MRPS6: variants seen among roughly 807,000 people sequenced by gnomAD.
MRPS6 encodes small ribosomal subunit protein bS6m.
In MRPS6, 6 loss-of-function variants were observed where a neutral mutation model predicts 13.1. The ratio of observed to expected loss-of-function variants is 0.46; its 90% CI spans 0.25 to 0.91. The LOEUF (loss-of-function observed/expected upper bound fraction) is 0.91. Ranked by LOEUF, MRPS6 falls within the 40% of genes least tolerant of loss-of-function variation. The pLI, the probability that MRPS6 is intolerant of heterozygous loss-of-function variation, is 0.18. For missense variants in MRPS6, 164 were observed against 155.6 expected (o/e 1.05, Z -0.29); for synonymous variants, 61 against 56.5 (o/e 1.08, Z -0.36).
intron 2 of MRPS6, among the ~76,000 whole-genome samples, chr21:34,139,081 C>G (rs924837040): frequency 3.3e-5 from 5 of 150,060 alleles, no homozygotes; most frequent in African/African-American, 1.2e-4. Flanking sequence ...TAAACTGTTG[C>G]AAGGACAAAA....
At chr21:34,133,143 G>A (rs1980564113) in intron 2 of MRPS6, among the ~76,000 whole-genome samples, 1 of 152,184 alleles carries the variant, frequency 6.6e-6, no homozygotes, top group South Asian at 2.1e-4. Context: ...AAAGTTGTCT[G>A]AAAGCTGTGA....
At chr21:34,133,814 A>G (rs770531973) in intron 2 of MRPS6, among the ~76,000 whole-genome samples, 1 of 152,224 alleles carries the variant, frequency 6.6e-6, no homozygotes, top group Non-Finnish European at 1.5e-5. Context: ...AAGAGGCGGG[A>G]GCTCAGAGAA....
At chr21:34,079,203 C>A (rs973408408) in intron 1 of MRPS6, among the ~76,000 whole-genome samples, 2 of 152,124 alleles carry the variant, frequency 1.3e-5, no homozygotes, top group Non-Finnish European at 2.9e-5. Context: ...AAAAAAACAG[C>A]AATACTTTAT....
At chr21:34,103,947 C>G in intron 1 of MRPS6, 8 of 1,000,128 alleles carry the variant, frequency 8.0e-6, no homozygotes, top group Non-Finnish European at 9.6e-6. Flanking sequence ...TGACATATTT[C>G]TGTTTTAAGC....
chr21:34,138,906 T>C (rs1980802323), intron 2 of MRPS6, among the ~76,000 whole-genome samples: 1 of 151,990 alleles, frequency 6.6e-6, no homozygotes, highest in Non-Finnish European at 1.5e-5. Flanking sequence ...ATTGCGGCAC[T>C]ATTCACAATA....
chr21:34,079,600 T>C (rs1215400752), intron 1 of MRPS6, among the ~76,000 whole-genome samples: 2 of 115,346 alleles, frequency 1.7e-5, no homozygotes, highest in Non-Finnish European at 3.4e-5. Context: ...CAGACCCAGC[T>C]AATTTTTTTT....
chr21:34,142,581 C>T lies in MRPS6; in HGVS notation c.359C>T (p.Thr120Ile), dbSNP rs1452768220. Reference sequence around the variant, plus strand: ...CCACTCGCAGAAAAATTATATTCCACAAAGAAGAGGAAGAAGTGAGAAGAT... The same window carrying T: ...CCACTCGCAGAAAAATTATATTCCATAAAGAAGAGGAAGAAGTGAGAAGAT... ...PVPLAEKLYS[T>I]KKRKK Residue 120 changes from threonine (T) to isoleucine (I), a missense_variant, in exon 3 of 3, where the codon ACA becomes ATA. Coordinates refer to ENST00000399312, the MANE Select transcript of MRPS6 (RefSeq NM_032476.4). The T allele has an allele frequency of 2.5e-6, 4 of 1,603,622 alleles. No homozygotes were observed. The highest frequency in any genetic ancestry group is 3.4e-6 in the Non-Finnish European group (4 of 1,176,792).
chr21:34,115,889 C>T (rs778539689), intron 1 of MRPS6, among the ~76,000 whole-genome samples: 19 of 149,956 alleles, frequency 1.3e-4, no homozygotes, highest in South Asian at 2.1e-4. Flanking sequence ...CATAGTCATC[C>T]GTTCTTTTTT....
At chr21:34,103,460 G>A in intron 1 of MRPS6, 1 of 998,758 alleles carries the variant, frequency 1.0e-6, no homozygotes, top group Non-Finnish European at 1.2e-6. Context: ...AGTTACTTAT[G>A]TTCTGTGATC....
At chr21:34,100,738 G>A (rs778467797) in intron 1 of MRPS6, 8 of 999,980 alleles carry the variant, frequency 8.0e-6, no homozygotes, top group Non-Finnish European at 9.6e-6. Context: ...AGCCAATAGA[G>A]TGTGTCTGTA....
chr21:34,128,814 T>C (rs541112227), intron 2 of MRPS6, among the ~76,000 whole-genome samples: 3 of 152,316 alleles, frequency 2.0e-5, no homozygotes, highest in Non-Finnish European at 4.4e-5. Flanking sequence ...TGCAATTCAG[T>C]GTTCCCCTTG....
At chr21:34,106,613 T>C (rs1315012744) in intron 1 of MRPS6, among the ~76,000 whole-genome samples, 1 of 152,250 alleles carries the variant, frequency 6.6e-6, no homozygotes. Context: ...GCCTGCCACA[T>C]TGGCTTTGCC....
chr21:34,123,353 A>G (rs1478924001), intron 1 of MRPS6: 1 of 152,052 alleles, frequency 6.6e-6, no homozygotes, highest in Non-Finnish European at 1.5e-5. Flanking sequence ...CTGCACTTTA[A>G]AATCACCCTG....
intron 2 of MRPS6, among the ~76,000 whole-genome samples, chr21:34,127,597 T>C (rs1276739375): frequency 1.3e-5 from 2 of 152,204 alleles, no homozygotes; most frequent in Non-Finnish European, 1.5e-5. Flanking sequence ...GAGAGGCAAG[T>C]GTAGTTTGAA....
chr21:34,097,146 G>A (rs369613190), intron 1 of MRPS6: 1 of 1,614,106 alleles, frequency 6.2e-7, no homozygotes, highest in African/African-American at 1.3e-5. Context: ...AGAAACGGAT[G>A]ATGGAGGTCG....
intron 1 of MRPS6, among the ~76,000 whole-genome samples, chr21:34,075,422 T>C (rs1989304002): frequency 6.6e-6 from 1 of 152,208 alleles, no homozygotes. Context: ...TTTTATGTCC[T>C]GTAATAACAT....
At position 34,120,763 on chromosome 21, in the gene MRPS6, TGTA is replaced by T. The variant is rs560329338; in HGVS notation, c.46-4576_46-4574del. ...TAATTAATTTCACTTCTAGATGAAT[TGTA>T]GGTATTTTTGAAATACAGTATTGGT... On this transcript the variant is annotated intron_variant, in intron 1 of 2. Transcript: ENST00000399312. 3.1e-3 allele frequency among the ~76,000 whole-genome samples: 479 copies of T among 152,340 alleles called. 2 individuals carry two copies. Among genetic ancestry groups the T allele is most frequent in the African/African-American group, 0.011 (447 of 41,590 alleles).
At chr21:34,098,835 C>G in intron 1 of MRPS6, 1 of 999,898 alleles carries the variant, frequency 1.0e-6, no homozygotes, top group Non-Finnish European at 1.2e-6. Flanking sequence ...CAACACTGTC[C>G]TTTGTCCTCC....
chr21:34,125,525 A>G (rs1159598095), intron 2 of MRPS6, 45 bp downstream of exon 2: 2 of 1,607,220 alleles, frequency 1.2e-6, no homozygotes, highest in South Asian at 1.1e-5. Flanking sequence ...TGATAGGCTC[A>G]GTAAAGAGTA....
Sources: allele counts gnomAD v4.1 joint callset (sites outside exome capture counted in the v4.1 genomes callset), GRCh38; gene constraint gnomAD v4.1.1; transcripts MANE v1.5; gene names NCBI Gene and HGNC (gene_info 2026-07-23, HGNC 2026-07-21).